SV2C: variants seen among roughly 807,000 people sequenced by gnomAD.
SV2C encodes solute carrier family 22 member B3.
SV2C carries 49 observed loss-of-function variants against 79.7 expected under a neutral mutation model. That is an observed-to-expected ratio of 0.61 (90% CI 0.49 to 0.78). The LOEUF (loss-of-function observed/expected upper bound fraction) is 0.78, where lower values mean the gene tolerates loss of function less well. Ranked by LOEUF, SV2C falls within the 30% of genes least tolerant of loss-of-function variation. SV2C has a pLI of 0.00. For synonymous variants in SV2C, 334 were observed against 333.2 expected (o/e 1.00, Z -0.03); for missense variants, 833 against 912.9 (o/e 0.91, Z 1.13).
At chr5:76,060,081 A>G in the SV2C span, among the ~76,000 whole-genome samples, 1 of 152,294 alleles carries the variant, frequency 6.6e-6, no homozygotes, top group South Asian at 2.1e-4. Context: ...ACCACGCTGT[A>G]AACAGATGTG....
chr5:76,236,206 C>G (rs1745605578), intron 4 of SV2C, among the ~76,000 whole-genome samples: 1 of 152,186 alleles, frequency 6.6e-6, no homozygotes, highest in Non-Finnish European at 1.5e-5. Flanking sequence ...TAGTTCATAG[C>G]TTCAGAATAC....
At chr5:76,073,503 GTATA>G in the SV2C span, among the ~76,000 whole-genome samples, 2,680 of 67,360 alleles carry the variant, frequency 0.04, 51 homozygotes, top group Middle Eastern at 0.065. Context: ...GTATGTGTGT[GTATA>G]TATATATATA....
At chr5:76,154,532 C>T (rs146071758) in intron 2 of SV2C, among the ~76,000 whole-genome samples, 43 of 152,278 alleles carry the variant, frequency 2.8e-4, no homozygotes, top group East Asian at 2.1e-3. Context: ...CTGAGTGCTA[C>T]GCTGCATCAC....
At chr5:76,192,528 C>G (rs189564654) in intron 2 of SV2C, among the ~76,000 whole-genome samples, 1 of 152,096 alleles carries the variant, frequency 6.6e-6, no homozygotes, top group African/African-American at 2.4e-5. Flanking sequence ...AAGGACTCCC[C>G]GTTATAACAC....
chr5:76,318,077 ATTT>A (rs59122126), intron 12 of SV2C, among the ~76,000 whole-genome samples: 13,933 of 152,156 alleles, frequency 0.092, 690 homozygotes, highest in Admixed American at 0.14. Context: ...AATTATCCTC[ATTT>A]TATCCAGAAT....
At chr5:75,995,228 C>T in the SV2C span, among the ~76,000 whole-genome samples, 4 of 152,176 alleles carry the variant, frequency 2.6e-5, no homozygotes, top group Admixed American at 6.5e-5. Flanking sequence ...AATATTGACC[C>T]GCTCTCTGAG....
intron 4 of SV2C, among the ~76,000 whole-genome samples, chr5:76,263,944 T>G (rs1239368473): frequency 6.6e-6 from 1 of 152,092 alleles, no homozygotes; most frequent in Non-Finnish European, 1.5e-5. Flanking sequence ...ATCTTAGCGG[T>G]GTTCTCTGTA....
At chr5:76,157,067 G>C (rs556748409) in intron 2 of SV2C, among the ~76,000 whole-genome samples, 2 of 151,926 alleles carry the variant, frequency 1.3e-5, no homozygotes, top group Admixed American at 1.3e-4. Flanking sequence ...TATCTAGAAA[G>C]CTCAAAAAAC....
chr5:76,144,825 GT>G (rs34762528), intron 2 of SV2C, among the ~76,000 whole-genome samples: 17,158 of 151,636 alleles, frequency 0.11, 1,065 homozygotes, highest in Non-Finnish European at 0.14. Context: ...TTGATAGGAG[GT>G]TTTTTTTTGT....
At chr5:76,049,099 A>G in the SV2C span, among the ~76,000 whole-genome samples, 1 of 151,926 alleles carries the variant, frequency 6.6e-6, no homozygotes, top group East Asian at 1.9e-4. Context: ...ACTCTTTGGG[A>G]GGCCGAGGTG....
chr5:76,084,497 GGGCAGCCAGCACC>G (rs1278218322), intron 1 of SV2C, among the ~76,000 whole-genome samples: 1 of 151,584 alleles, frequency 6.6e-6, no homozygotes, highest in Non-Finnish European at 1.5e-5. Flanking sequence ...ACTTGGCTTG[GGGCAGCCAGCACC>G]CCACGGCAGA....
intron 12 of SV2C, among the ~76,000 whole-genome samples, chr5:76,306,628 A>T (rs1477824120): frequency 6.6e-6 from 1 of 152,210 alleles, no homozygotes; most frequent in Non-Finnish European, 1.5e-5. Context: ...GGTTAAAAGA[A>T]TTCTCTGGGT....
chr5:75,897,499 C>T, the SV2C span, among the ~76,000 whole-genome samples: 89 of 152,250 alleles, frequency 5.8e-4, no homozygotes, highest in East Asian at 0.014. Flanking sequence ...AGTCAGGTAG[C>T]GTGATGCCTC....
At chr5:75,868,522 A>C in the SV2C span, among the ~76,000 whole-genome samples, 1 of 152,210 alleles carries the variant, frequency 6.6e-6, no homozygotes, top group Non-Finnish European at 1.5e-5. Flanking sequence ...AAAACAAAAA[A>C]ACTTGGCTGC....
In SV2C at chr5:76,323,147, G is replaced by C. The variant is rs182482310; in HGVS notation, c.2001-2217G>C. Among the ~76,000 whole-genome samples the C allele has an allele frequency of 2.6e-3, 400 of 152,158 alleles. 4 individuals are homozygous for C. The highest frequency in any genetic ancestry group is 0.02 in the Middle Eastern group (6 of 294). On this transcript the variant is annotated intron_variant, in intron 12 of 12. Coordinates refer to ENST00000502798, the MANE Select transcript of SV2C (RefSeq NM_014979.4). The stretch of plus-strand genomic sequence containing the variant: ...TTTGCAATCTACCCATCTGACAAAG[G>C]TCTAATATCTAGAATTTACAAGGAA...
the SV2C span, among the ~76,000 whole-genome samples, chr5:75,885,358 A>G: frequency 2.0e-5 from 3 of 152,152 alleles, no homozygotes; most frequent in Admixed American, 6.6e-5. Flanking sequence ...ATCTGCCTCC[A>G]AGTCCAGTTT....
the SV2C span, among the ~76,000 whole-genome samples, chr5:76,012,760 C>A: frequency 3.3e-5 from 5 of 152,148 alleles, no homozygotes; most frequent in African/African-American, 9.7e-5. Flanking sequence ...AGTCTTTAAT[C>A]CATCTTGAGT....
At chr5:75,904,852 T>G in the SV2C span, among the ~76,000 whole-genome samples, 1 of 152,218 alleles carries the variant, frequency 6.6e-6, no homozygotes, top group Non-Finnish European at 1.5e-5. Flanking sequence ...ACAGTATATC[T>G]TAGCGAGAAT....
intron 4 of SV2C, among the ~76,000 whole-genome samples, chr5:76,266,502 C>T (rs1443215011): frequency 6.6e-6 from 1 of 152,156 alleles, no homozygotes; most frequent in African/African-American, 2.4e-5. Context: ...GCCACTGCAC[C>T]CAGGCAACAT....
Sources: allele counts gnomAD v4.1 joint callset (sites outside exome capture counted in the v4.1 genomes callset), GRCh38; gene constraint gnomAD v4.1.1; transcripts MANE v1.5; gene names NCBI Gene and HGNC (gene_info 2026-07-23, HGNC 2026-07-21).